ADGRL2: variants seen among roughly 807,000 people sequenced by gnomAD.
ADGRL2 encodes the protein adhesion G protein-coupled receptor L2.
In ADGRL2, 44 loss-of-function variants were observed where a neutral mutation model predicts 157.4. The observed-to-expected ratio is 0.28, with a 90% CI of 0.22 to 0.36. The LOEUF is 0.36. Ranked by LOEUF, ADGRL2 falls within the 10% of genes least tolerant of loss-of-function variation. ADGRL2 has a pLI of 1.00. For synonymous variants in ADGRL2, 585 were observed against 624.7 expected (o/e 0.94, Z 0.95); for missense variants, 1,510 against 1,768.9 (o/e 0.85, Z 2.63).
intron 1 of ADGRL2, among the ~76,000 whole-genome samples, chr1:81,371,493 T>C (rs991494750): frequency 1.3e-5 from 2 of 152,242 alleles, no homozygotes; most frequent in African/African-American, 4.8e-5. Flanking sequence ...ATATTGACAC[T>C]TGTAAATACT....
At chr1:81,900,283 G>A (rs1407045302) in intron 2 of ADGRL2, among the ~76,000 whole-genome samples, 1 of 152,066 alleles carries the variant, frequency 6.6e-6, no homozygotes, top group East Asian at 1.9e-4. Flanking sequence ...AACAACAAAC[G>A]GGGAAACATT....
chr1:81,660,460 G>C (rs1320033067), intron 3 of ADGRL2, among the ~76,000 whole-genome samples: 1 of 152,048 alleles, frequency 6.6e-6, no homozygotes, highest in African/African-American at 2.4e-5. Flanking sequence ...ACCCTTATTA[G>C]TGCTGTCCTG....
At chr1:81,595,668 A>G (rs527720477) in intron 3 of ADGRL2, among the ~76,000 whole-genome samples, 1 of 152,340 alleles carries the variant, frequency 6.6e-6, no homozygotes, top group East Asian at 1.9e-4. Flanking sequence ...CATTCCGTTA[A>G]TAAAACTTAC....
intron 1 of ADGRL2, among the ~76,000 whole-genome samples, chr1:81,429,671 A>G (rs2077284109): frequency 6.6e-6 from 1 of 152,212 alleles, no homozygotes; most frequent in Admixed American, 6.5e-5. Context: ...TATACCAAAC[A>G]GTGCAGGCTC....
At chr1:81,685,416 C>T (rs190944862) in intron 3 of ADGRL2, among the ~76,000 whole-genome samples, 1 of 151,370 alleles carries the variant, frequency 6.6e-6, no homozygotes, top group East Asian at 1.9e-4. Flanking sequence ...AGGTTGAGTT[C>T]TTGATTTGAT....
intron 1 of ADGRL2, among the ~76,000 whole-genome samples, chr1:81,356,878 G>A (rs554437860): frequency 3.9e-4 from 58 of 147,308 alleles, no homozygotes; most frequent in Admixed American, 1.8e-3. Flanking sequence ...GCGTGAACCC[G>A]GGAGGCGGAG....
intron 1 of ADGRL2, among the ~76,000 whole-genome samples, chr1:81,832,756 T>C (rs10874272): frequency 0.18 from 26,876 of 152,026 alleles, 3,527 homozygotes; most frequent in East Asian, 0.65. Context: ...GAAAATAAAC[T>C]CAAACCTCAA....
intron 2 of ADGRL2, among the ~76,000 whole-genome samples, chr1:81,846,890 C>T (rs751960788): frequency 4.6e-5 from 7 of 151,446 alleles, no homozygotes; most frequent in Non-Finnish European, 7.4e-5. Context: ...TGTGATGAGG[C>T]GATGTTGACA....
At position 81,362,560 on chromosome 1, in the gene ADGRL2, T is replaced by G. The variant is rs1415608718; in HGVS notation, c.-302+56051T>G. 3.3e-5 allele frequency among the ~76,000 whole-genome samples: 5 copies of G among 152,002 alleles called. No individual in the cohort carries two copies. In the South Asian group the frequency reaches 8.3e-4, roughly 25 times the overall value. On this transcript the variant is annotated intron_variant, in intron 1 of 24. Transcript: ENST00000370721. ...ATGTAAAATTTTTAACAACTGAAGTTAATTTCAAAAATATAAGGTATATTT... is the reference window on the plus strand; with the variant it reads ...ATGTAAAATTTTTAACAACTGAAGTGAATTTCAAAAATATAAGGTATATTT...
intron 2 of ADGRL2, among the ~76,000 whole-genome samples, chr1:81,762,216 T>A (rs559666590): frequency 1.1e-4 from 16 of 152,314 alleles, no homozygotes; most frequent in African/African-American, 3.8e-4. Context: ...TTATCTGTGA[T>A]ACAAATTGAG....
intron 2 of ADGRL2, among the ~76,000 whole-genome samples, chr1:81,547,455 G>A (rs922923537): frequency 6.6e-6 from 1 of 152,110 alleles, no homozygotes; most frequent in Admixed American, 6.5e-5. Context: ...CTGGAGCAAT[G>A]TTCTCCTATT....
chr1:81,789,590 G>A (rs984023323), intron 2 of ADGRL2, among the ~76,000 whole-genome samples: 4 of 151,632 alleles, frequency 2.6e-5, no homozygotes, highest in African/African-American at 7.3e-5. Context: ...GCTGTGTGTG[G>A]TGGTGGGCGC....
intron 2 of ADGRL2, among the ~76,000 whole-genome samples, chr1:81,548,773 G>T (rs6693782): frequency 6.6e-6 from 1 of 152,032 alleles, no homozygotes; most frequent in Non-Finnish European, 1.5e-5. Flanking sequence ...AAAAACTTTC[G>T]TGAGTCCCAA....
chr1:81,561,805 T>G (rs2080449598), intron 2 of ADGRL2, among the ~76,000 whole-genome samples: 1 of 152,256 alleles, frequency 6.6e-6, no homozygotes, highest in African/African-American at 2.4e-5. Flanking sequence ...ACTTTGATTA[T>G]AGGATTTTCA....
chr1:81,345,408 T>TCTGGC (rs1376657072), intron 1 of ADGRL2, among the ~76,000 whole-genome samples: 2 of 152,224 alleles, frequency 1.3e-5, no homozygotes, highest in East Asian at 3.8e-4. Context: ...AAAGAAACCC[T>TCTGGC]CTGGCCAAAT....
intron 3 of ADGRL2, among the ~76,000 whole-genome samples, chr1:81,593,075 A>C (rs1366523125): frequency 6.6e-6 from 1 of 152,216 alleles, no homozygotes; most frequent in African/African-American, 2.4e-5. Context: ...AATGCCAAAA[A>C]GGATGCAAAA....
intron 1 of ADGRL2, among the ~76,000 whole-genome samples, chr1:81,737,923 T>C (rs930862323): frequency 3.3e-5 from 5 of 152,230 alleles, no homozygotes; most frequent in Admixed American, 3.3e-4. Context: ...CCCCATAAAA[T>C]ACTTTTGCTG....
At chr1:81,345,849 T>C (rs1436572517) in intron 1 of ADGRL2, among the ~76,000 whole-genome samples, 2 of 152,234 alleles carry the variant, frequency 1.3e-5, no homozygotes, top group Non-Finnish European at 1.5e-5. Context: ...ATTGATATTA[T>C]GAAGTTTGAA....
At chr1:81,875,155 A>T (rs948104133) in intron 2 of ADGRL2, among the ~76,000 whole-genome samples, 2 of 152,132 alleles carry the variant, frequency 1.3e-5, no homozygotes, top group African/African-American at 4.8e-5. Context: ...GTGTGGAATA[A>T]TGGGAGGCAG....
Sources: allele counts gnomAD v4.1 joint callset (sites outside exome capture counted in the v4.1 genomes callset), GRCh38; gene constraint gnomAD v4.1.1; transcripts MANE v1.5; gene names NCBI Gene and HGNC (gene_info 2026-07-23, HGNC 2026-07-21).